The following TRPS1 variants were observed in gnomAD, a reference collection of about 807,000 sequenced individuals.
TRPS1 encodes the protein zinc finger transcription factor Trps1.
A neutral mutation model predicts 101.2 loss-of-function variants in TRPS1; 6 were observed. The observed-to-expected ratio is 0.06, with a 90% CI of 0.03 to 0.12. The LOEUF (loss-of-function observed/expected upper bound fraction) is 0.12. Ranked by LOEUF, TRPS1 falls within the 10% of genes least tolerant of loss-of-function variation. TRPS1 has a pLI of 1.00. For synonymous variants in TRPS1, 578 were observed against 589.8 expected (o/e 0.98, Z 0.29); for missense variants, 1,363 against 1,567.0 (o/e 0.87, Z 2.20).
chr8:115,524,529 C>A (rs887814817), intron 5 of TRPS1, among the ~76,000 whole-genome samples: 4 of 151,992 alleles, frequency 2.6e-5, no homozygotes, highest in Non-Finnish European at 4.4e-5. Flanking sequence ...CCATGTTGGT[C>A]AGGCTGGTCT....
At chr8:115,551,405 G>A (rs1816701144) in intron 5 of TRPS1, among the ~76,000 whole-genome samples, 1 of 152,112 alleles carries the variant, frequency 6.6e-6, no homozygotes, top group Admixed American at 6.6e-5. Context: ...CTATACTTAT[G>A]ATGTAGTGTT....
intron 5 of TRPS1, among the ~76,000 whole-genome samples, chr8:115,451,531 T>C (rs1319348303): frequency 6.6e-6 from 1 of 152,088 alleles, no homozygotes; most frequent in Non-Finnish European, 1.5e-5. Context: ...AAACACTAGA[T>C]CATTTAAGGG....
At chr8:115,641,805 G>A (rs903471120) in intron 1 of TRPS1, among the ~76,000 whole-genome samples, 3 of 152,134 alleles carry the variant, frequency 2.0e-5, no homozygotes, top group African/African-American at 7.2e-5. Flanking sequence ...ACTTGAACCT[G>A]GGAGGCGGAG....
intron 1 of TRPS1, among the ~76,000 whole-genome samples, chr8:115,624,493 GC>G (rs1294211410): frequency 6.6e-6 from 1 of 151,824 alleles, no homozygotes; most frequent in Non-Finnish European, 1.5e-5. Flanking sequence ...CATATTATAC[GC>G]CAAGATATTT....
At chr8:115,433,974 C>T (rs114580280) in intron 5 of TRPS1, among the ~76,000 whole-genome samples, 1,598 of 14,584 alleles carry the variant, frequency 0.11, 21 homozygotes, top group African/African-American at 0.28. Context: ...CGCCTGCTGT[C>T]AGAATCTTTT....
Position 115,408,698 on chromosome 8 carries a change from C to G in TRPS1, c.*5325G>C, listed in dbSNP as rs1812713291. 1 of 151,848 alleles carries G rather than the reference C, an allele frequency of 6.6e-6. No individual in the cohort carries two copies. Among genetic ancestry groups the G allele is most frequent in the African/African-American group, 2.4e-5 (1 of 41,250 alleles). 9.4% of individuals were successfully genotyped at this position (151,848 alleles called of 1,614,324 possible). ...CTATTATAGCCAACATTCTAGTATT[C>G]AAATCAGGACTACAAATTGAATTCT... On this transcript the variant is annotated 3_prime_UTR_variant, in exon 7 of 7. Transcript: ENST00000395715.
At chr8:115,600,703 A>G (rs561475643) in intron 4 of TRPS1, among the ~76,000 whole-genome samples, 3 of 152,110 alleles carry the variant, frequency 2.0e-5, no homozygotes, top group East Asian at 3.9e-4. Flanking sequence ...AAGTCTGGCA[A>G]TGCATTACAA....
chr8:115,614,876 AC>A (rs1343245004), intron 3 of TRPS1, among the ~76,000 whole-genome samples: 1 of 152,090 alleles, frequency 6.6e-6, no homozygotes, highest in Non-Finnish European at 1.5e-5. Flanking sequence ...TTTTTTTCAA[AC>A]CAAACTGTAA....
chr8:115,478,125 T>C (rs1246657468), intron 5 of TRPS1, among the ~76,000 whole-genome samples: 1 of 152,220 alleles, frequency 6.6e-6, no homozygotes, highest in Non-Finnish European at 1.5e-5. Context: ...AATTCTGATC[T>C]ATATTGCCAA....
In TRPS1 at chr8:115,453,110, C is replaced by T. The variant is rs180992579; in HGVS notation, c.2701-34658G>A. ...GATCTCGGCTCACTGCAACCTCCGCCTCCTGGGTTCAAGCAATTCTCTGCC... is the reference window on the plus strand; with the variant it reads ...GATCTCGGCTCACTGCAACCTCCGCTTCCTGGGTTCAAGCAATTCTCTGCC... On this transcript the variant is annotated intron_variant, in intron 5 of 6. Transcript: ENST00000395715. Among the ~76,000 whole-genome samples the T allele has an allele frequency of 4.0e-4, 61 of 152,102 alleles. 1 individual carries two copies. The highest frequency in any genetic ancestry group is 1.6e-3 in the Admixed American group (25 of 15,284).
At chr8:115,564,584 C>T (rs1348918692) in intron 5 of TRPS1, among the ~76,000 whole-genome samples, 1 of 152,056 alleles carries the variant, frequency 6.6e-6, no homozygotes, top group Non-Finnish European at 1.5e-5. Context: ...TGGAAAGCTT[C>T]AAAATAATTG....
At chr8:115,467,834 C>A (rs758579503) in intron 5 of TRPS1, among the ~76,000 whole-genome samples, 1 of 152,142 alleles carries the variant, frequency 6.6e-6, no homozygotes, top group Non-Finnish European at 1.5e-5. Flanking sequence ...GGAGTATAAT[C>A]ATTTCTCCCC....
chr8:115,592,315 T>A (rs1270222533), intron 4 of TRPS1, among the ~76,000 whole-genome samples: 1 of 152,128 alleles, frequency 6.6e-6, no homozygotes, highest in Admixed American at 6.5e-5. Context: ...ACTAGCTACA[T>A]CATGGCTCTA....
chr8:115,505,823 T>C lies in TRPS1; in HGVS notation c.2700+81178A>G, dbSNP rs145392265. On this transcript the variant is annotated intron_variant, in intron 5 of 6. Coordinates refer to ENST00000395715, the MANE Select transcript of TRPS1 (RefSeq NM_014112.5). ...AAAGACTGTGAAAACGTAGGACATA[T>C]AGATTGAATGCATGTTTACACTGAA... Among the ~76,000 whole-genome samples the C allele has an allele frequency of 2.6e-4, 40 of 152,228 alleles. No homozygotes were observed. The South Asian group carries it at 7.0e-3, about 27-fold the overall frequency.
At chr8:115,583,502 T>C (rs1817497357) in intron 5 of TRPS1, among the ~76,000 whole-genome samples, 1 of 152,054 alleles carries the variant, frequency 6.6e-6, no homozygotes. Context: ...TTTCAGGAGG[T>C]GATTCATGTT....
intron 5 of TRPS1, among the ~76,000 whole-genome samples, chr8:115,473,335 A>T (rs900565179): frequency 2.6e-5 from 4 of 152,204 alleles, no homozygotes; most frequent in African/African-American, 4.8e-5. Context: ...AATGCCCCTT[A>T]TAAAACTATC....
At chr8:115,458,614 G>A (rs1018160630) in intron 5 of TRPS1, among the ~76,000 whole-genome samples, 1 of 152,110 alleles carries the variant, frequency 6.6e-6, no homozygotes, top group South Asian at 2.1e-4. Flanking sequence ...AGAAAATCAA[G>A]CAGATGTGAC....
intron 4 of TRPS1, among the ~76,000 whole-genome samples, chr8:115,598,835 C>T (rs138577367): frequency 1.9e-3 from 294 of 152,260 alleles, no homozygotes; most frequent in Non-Finnish European, 2.8e-3. Flanking sequence ...GTCTGCCAAC[C>T]TAAATGTCTT....
intron 3 of TRPS1, among the ~76,000 whole-genome samples, 194 bp downstream of exon 3, chr8:115,618,938 A>T (rs1189254686): frequency 6.6e-6 from 1 of 152,210 alleles, no homozygotes; most frequent in African/African-American, 2.4e-5. Flanking sequence ...TTTCCACAAT[A>T]AGAGGCTAAA....
Sources: allele counts gnomAD v4.1 joint callset (sites outside exome capture counted in the v4.1 genomes callset), GRCh38; gene constraint gnomAD v4.1.1; transcripts MANE v1.5; gene names NCBI Gene and HGNC (gene_info 2026-07-23, HGNC 2026-07-21).